TMEM178A: variants seen among roughly 807,000 people sequenced by gnomAD.
The protein encoded by TMEM178A is transmembrane protein 178.
In TMEM178A, 12 loss-of-function variants were observed where a neutral mutation model predicts 29.1. The observed-to-expected ratio is 0.41, with a 90% confidence interval of 0.26 to 0.67. The LOEUF (loss-of-function observed/expected upper bound fraction) is 0.67, where lower values mean the gene tolerates loss of function less well. Ranked by LOEUF, TMEM178A falls within the 30% of genes least tolerant of loss-of-function variation. The pLI, the probability that TMEM178A is intolerant of heterozygous loss-of-function variation, is 0.29. For missense variants in TMEM178A, 366 were observed against 419.1 expected, an observed-to-expected ratio of 0.87 and a Z score of 1.11; for synonymous variants, 210 against 187.2, an observed-to-expected ratio of 1.12 and a Z score of -0.99.
intron 3 of TMEM178A, among the ~76,000 whole-genome samples, chr2:39,709,960 G>T (rs761030663): frequency 6.6e-6 from 1 of 152,184 alleles, no homozygotes; most frequent in African/African-American, 2.4e-5. Flanking sequence ...GAGACTGAGG[G>T]GCCAGTCTGG....
intron 3 of TMEM178A, among the ~76,000 whole-genome samples, chr2:39,714,773 G>A (rs1199685878): frequency 6.6e-6 from 1 of 152,144 alleles, no homozygotes; most frequent in Non-Finnish European, 1.5e-5. Context: ...CAATTTTATG[G>A]GGTTGGCAGG....
At chr2:39,726,746 T>G in the TMEM178A span, among the ~76,000 whole-genome samples, 1 of 151,584 alleles carries the variant, frequency 6.6e-6, no homozygotes, top group African/African-American at 2.4e-5. Context: ...AGGGCAAGAG[T>G]CACAAAAAGG....
At chr2:39,704,396 C>G (rs1243442742) in intron 2 of TMEM178A, among the ~76,000 whole-genome samples, 1 of 152,126 alleles carries the variant, frequency 6.6e-6, no homozygotes, top group Admixed American at 6.5e-5. Flanking sequence ...GTGTGGAAAC[C>G]TGGTATAAGG....
Position 39,665,938 on chromosome 2 carries a change from C to A in TMEM178A, c.-37C>A. On this transcript the variant is annotated 5_prime_UTR_variant, in exon 1 of 4. Coordinates refer to ENST00000281961, the MANE Select transcript of TMEM178A (RefSeq NM_152390.3). ...AAGTGCATTGTGTCTGGCGGCGGCG[C>A]GCGAGCCCACCGGCGGCTGCGGCGG... The A allele has an allele frequency of 7.4e-7, 1 of 1,348,404 alleles. No homozygotes were observed. Among genetic ancestry groups the A allele is most frequent in the South Asian group, 2.0e-5 (1 of 51,226 alleles). 83.5% of individuals were successfully genotyped at this position (1,348,404 alleles called of 1,614,324 possible).
intron 1 of TMEM178A, among the ~76,000 whole-genome samples, chr2:39,671,555 T>A (rs549050262): frequency 6.6e-6 from 1 of 152,226 alleles, no homozygotes; most frequent in Non-Finnish European, 1.5e-5. Context: ...ACTTCGTTTT[T>A]CTTTCCCTCT....
chr2:39,677,659 T>C (rs1383402870), intron 1 of TMEM178A, among the ~76,000 whole-genome samples: 1 of 151,080 alleles, frequency 6.6e-6, no homozygotes, highest in Non-Finnish European at 1.5e-5. Flanking sequence ...TTTGGAGGAG[T>C]GGGATGGACC....
At chr2:39,703,297 A>C (rs992763364) in intron 1 of TMEM178A, among the ~76,000 whole-genome samples, 1 of 152,188 alleles carries the variant, frequency 6.6e-6, no homozygotes, top group Non-Finnish European at 1.5e-5. Flanking sequence ...ACTTTTCATG[A>C]AATTCAGAAG....
rs1300476285 is a variant in TMEM178A at position 39,673,771 on chromosome 2, A to T, written c.400+7397A>T. 2.0e-5 allele frequency among the ~76,000 whole-genome samples: 3 copies of T among 152,212 alleles called. No homozygotes were observed. The East Asian group carries it at 5.8e-4, about 29-fold the overall frequency. On this transcript the variant is annotated intron_variant, in intron 1 of 3. Transcript: ENST00000281961. ...TAGGGGCAGTGGTGGATGGGAGGCT[A>T]TACTGGGCTTGGATCTCTTTTGTCT...
At chr2:39,672,588 C>T (rs574031856) in intron 1 of TMEM178A, among the ~76,000 whole-genome samples, 22 of 152,124 alleles carry the variant, frequency 1.4e-4, no homozygotes, top group African/African-American at 2.9e-4. Flanking sequence ...CTGAGTGGCA[C>T]GATCATAGCT....
In TMEM178A at chr2:39,671,487, A is replaced by G. The variant is rs563422464; in HGVS notation, c.400+5113A>G. Among the ~76,000 whole-genome samples, 27 of 152,288 alleles carry G rather than the reference A, an allele frequency of 1.8e-4. No homozygotes were observed. The East Asian group carries it at 5.2e-3, about 29-fold the overall frequency. On this transcript the variant is annotated intron_variant, in intron 1 of 3. Transcript: ENST00000281961. ...GTTCTCGGACCTTCTCTTGGGTTAA[A>G]AGATGCTGCTGGTAAAAGGGATTCC...
intron 1 of TMEM178A, among the ~76,000 whole-genome samples, chr2:39,700,995 C>G (rs4644998): frequency 0.42 from 63,738 of 151,852 alleles, 14,111 homozygotes; most frequent in East Asian, 0.76. Flanking sequence ...TATTGTCATA[C>G]AAATTACATG....
chr2:39,710,556 G>T (rs1433872297), intron 3 of TMEM178A, among the ~76,000 whole-genome samples: 2 of 152,140 alleles, frequency 1.3e-5, no homozygotes, highest in Non-Finnish European at 2.9e-5. Flanking sequence ...GTTGCTGTGG[G>T]ATTTAGGGGC....
At chr2:39,675,796 T>C (rs1670598527) in intron 1 of TMEM178A, among the ~76,000 whole-genome samples, 1 of 152,206 alleles carries the variant, frequency 6.6e-6, no homozygotes, top group South Asian at 2.1e-4. Flanking sequence ...TTTTCTTTTT[T>C]AGAGACAAGG....
At chr2:39,712,904 A>C (rs981240252) in intron 3 of TMEM178A, among the ~76,000 whole-genome samples, 5 of 152,242 alleles carry the variant, frequency 3.3e-5, no homozygotes, top group Non-Finnish European at 7.3e-5. Context: ...GCCAATGAAA[A>C]TGCAGCATTA....
chr2:39,666,259 G>A lies in TMEM178A; in HGVS notation c.285G>A (p.Gly95=), dbSNP rs754090258. The A allele has an allele frequency of 2.2e-5, 31 of 1,384,412 alleles. 1 individual carries two copies. The South Asian group carries it at 4.9e-4, about 22-fold the overall frequency. 85.8% of individuals were successfully genotyped at this position (1,384,412 alleles called of 1,614,324 possible). Residue 95 remains glycine (G), a synonymous_variant, in exon 1 of 4, where the codon GGG becomes GGA. Coordinates refer to ENST00000281961, the MANE Select transcript of TMEM178A (RefSeq NM_152390.3). Reference sequence around the variant, plus strand: ...CCGAGTCCTGGCGCTCGCTCCTGGGGCTCGGCGGGCTGGACGCCGAGTGCG... The same window carrying A: ...CCGAGTCCTGGCGCTCGCTCCTGGGACTCGGCGGGCTGGACGCCGAGTGCG... ...ADPESWRSLL[G]LGGLDAECGR...
At chr2:39,718,987 G>A (rs574818148), downstream of TMEM178A, among the ~76,000 whole-genome samples, 152 of 152,248 alleles carry the variant, frequency 1.0e-3, no homozygotes, top group African/African-American at 3.4e-3. Flanking sequence ...ACTCCCAAAG[G>A]ATAGAGTCTG....
chr2:39,732,558 C>G, the TMEM178A span, among the ~76,000 whole-genome samples: 31 of 152,114 alleles, frequency 2.0e-4, 1 homozygote, highest in African/African-American at 7.2e-4. Flanking sequence ...CATGGTCAAG[C>G]CCTCAGAAGC....
chr2:39,697,932 A>G (rs1287904849), intron 1 of TMEM178A: 2 of 152,188 alleles, frequency 1.3e-5, no homozygotes, highest in Non-Finnish European at 2.9e-5. Flanking sequence ...AGTCTGAGAA[A>G]ATAGTTTCTC....
At position 39,703,976 on chromosome 2, in the gene TMEM178A, C is replaced by A; in HGVS notation, c.401-105C>A. On this transcript the variant is annotated intron_variant, in intron 1 of 3. Coordinates refer to ENST00000281961, the MANE Select transcript of TMEM178A (RefSeq NM_152390.3). ...TGCTCTGAATCAAGAGATTCTTATC[C>A]CATCTCCCATTCAACCCAGGTTAGG... 3 of 759,394 alleles carry A rather than the reference C, an allele frequency of 4.0e-6. No individual in the cohort carries two copies. The South Asian group carries it at 5.3e-5, about 13-fold the overall frequency. The allele number at this position is 759,394 out of a possible 1,614,324, so 47.0% of individuals were successfully genotyped here.
Sources: gnomAD v4.1 joint callset for allele counts (sites outside exome capture counted in the v4.1 genomes callset) on GRCh38, gnomAD v4.1.1 for gene constraint, MANE v1.5 for transcripts, NCBI Gene and HGNC (gene_info 2026-07-23, HGNC 2026-07-21) for gene names.